Variants in LHX2 observed in about 807,000 individuals in gnomAD.
LHX2 encodes the protein LIM/homeobox protein Lhx2.
LHX2 carries 6 observed loss-of-function variants against 33.0 expected under a neutral mutation model. The observed-to-expected ratio is 0.18, with a 90% CI of 0.10 to 0.36. The LOEUF is 0.36. Ranked by LOEUF, LHX2 falls within the 10% of genes least tolerant of loss-of-function variation. The probability of loss-of-function intolerance (pLI) is 1.00; values close to 1 mark genes in which losing one functional copy is unlikely to be tolerated. For synonymous variants in LHX2, 292 were observed against 253.1 expected, an observed-to-expected ratio of 1.15 and a Z score of -1.46; for missense variants, 442 against 586.2, an observed-to-expected ratio of 0.75 and a Z score of 2.54.
At position 124,012,325 on chromosome 9, in the gene LHX2, CCCGGCCCCG is replaced by C. The variant is rs1588343806; in HGVS notation, c.-19_-11del. 1.1e-5 allele frequency: 17 copies of C among 1,486,034 alleles called. No homozygotes were observed. The highest frequency in any genetic ancestry group is 1.5e-5 in the Non-Finnish European group (17 of 1,123,670). 92.1% of individuals were successfully genotyped at this position (1,486,034 alleles called of 1,614,324 possible). Reference sequence around the variant, plus strand: ...AGCCCTCCCTCGGAGGAGCCGCGCCCCCGGCCCCGCCGGTCCCGCCGCGATGCTGTTCCA... The same window carrying C: ...AGCCCTCCCTCGGAGGAGCCGCGCCCCCGGTCCCGCCGCGATGCTGTTCCA... On this transcript the variant is annotated 5_prime_UTR_variant, in exon 1 of 5. Coordinates refer to ENST00000373615, the MANE Select transcript of LHX2 (RefSeq NM_004789.4). This position sits in a 1 kb window ranked among gnomAD's most constrained non-coding sequence, Gnocchi z 4.3.
At chr9:124,020,673 CG>C (rs1219888344) in intron 3 of LHX2, among the ~76,000 whole-genome samples, 8 of 152,076 alleles carry the variant, frequency 5.3e-5, no homozygotes, top group Non-Finnish European at 7.4e-5. Flanking sequence ...TCTGTAAAAA[CG>C]GGAAAAATAA....
intron 4 of LHX2, among the ~76,000 whole-genome samples, chr9:124,026,709 A>G (rs1317650113): frequency 6.6e-6 from 1 of 152,194 alleles, no homozygotes; most frequent in East Asian, 1.9e-4. Flanking sequence ...AACTTTGTCT[A>G]ATCTAACATT....
rs1447163494 is a variant in LHX2 at position 124,012,404 on chromosome 9, A to G, written c.56A>G (p.Asp19Gly). The G allele has an allele frequency of 2.0e-6, 3 of 1,534,500 alleles. No homozygotes were observed. Among genetic ancestry groups the G allele is most frequent in the Non-Finnish European group, 2.6e-6 (3 of 1,145,656 alleles). Residue 19 changes from aspartate (D) to glycine (G), a missense_variant, in exon 1 of 5, where the codon GAC (aspartate) becomes GGC (glycine). Asp to Gly is a moderately conservative substitution (Grantham distance 94). Around this residue, in one of 5 missense-constraint regions of LHX2, gnomAD observed 97 missense variants for 81.5 expected, o/e 1.19. Coordinates refer to ENST00000373615, the MANE Select transcript of LHX2 (RefSeq NM_004789.4). This position sits in a 1 kb window ranked among gnomAD's most constrained non-coding sequence, Gnocchi z 4.3. ...GTGCACGGGGTCATCGACGAGATGG[A>G]CCGCAGGGCCAAGAGCGAGGCTCCC... The part of the protein sequence containing the change: ...PEVHGVIDEM[D>G]RRAKSEAPAI...
intron 3 of LHX2, among the ~76,000 whole-genome samples, 192 bp from the exon 4 acceptor site, chr9:124,020,907 C>T (rs1564550387): frequency 6.6e-6 from 1 of 152,092 alleles, no homozygotes; most frequent in South Asian, 2.1e-4. Context: ...GCAGTGTGAT[C>T]CTGGGTGGAT....
At chr9:124,019,030 A>AC (rs1166513445) in intron 3 of LHX2, among the ~76,000 whole-genome samples, 7 of 151,506 alleles carry the variant, frequency 4.6e-5, no homozygotes, top group Admixed American at 3.9e-4. Context: ...AGGCTGCCCC[A>AC]CCCCCAGTGG....
At chr9:124,030,290 C>T (rs1233567104) in intron 4 of LHX2, among the ~76,000 whole-genome samples, 1 of 152,252 alleles carries the variant, frequency 6.6e-6, no homozygotes, top group Non-Finnish European at 1.5e-5. Context: ...GGAGTCAGCC[C>T]TCCCTCTCCT....
At chr9:124,029,733 G>C (rs1226300545) in intron 4 of LHX2, among the ~76,000 whole-genome samples, 1 of 152,240 alleles carries the variant, frequency 6.6e-6, no homozygotes, top group Non-Finnish European at 1.5e-5. Flanking sequence ...TCCAGCTACT[G>C]CTCTGAGAGT....
rs371809737 is a variant in LHX2 at position 124,032,659 on chromosome 9, C to G, written c.1173C>G (p.Gly391=). ...CTTCTGTGCCTGGCAACCTGGAGGG[C>G]CATGAGCCTCACAGCCCCTCACAAA... The part of the protein sequence containing the change: ...VLTSVPGNLE[G]HEPHSPSQTT... The change falls in exon 5 of 5, where the codon GGC becomes GGG. Residue 391 remains glycine, a synonymous_variant. Transcript: ENST00000373615. The surrounding 1 kb of genome is among the most constrained non-coding windows in gnomAD (Gnocchi z 4.1). 19 of 1,613,204 alleles carry G rather than the reference C, an allele frequency of 1.2e-5. No homozygotes were observed. In the African/African-American group the frequency reaches 2.3e-4, roughly 19 times the overall value.
rs1160970933 is a variant in LHX2, at chr9:124,032,844, A to G, written c.*137A>G. On this transcript the variant is annotated 3_prime_UTR_variant, in exon 5 of 5. Transcript: ENST00000373615. The surrounding 1 kb of genome is among the most constrained non-coding windows in gnomAD (Gnocchi z 4.1). The stretch of plus-strand genomic sequence containing the variant: ...GATCTCGCCTGGAAACAGAGGTAAA[A>G]AAAAGAAGTGTGCGCCCGGCTAATG... 3.9e-6 allele frequency: 4 copies of G among 1,026,800 alleles called. No homozygotes were observed. Among genetic ancestry groups the G allele is most frequent in the East Asian group, 2.7e-5 (1 of 37,290 alleles). 63.6% of individuals were successfully genotyped at this position (1,026,800 alleles called of 1,614,324 possible).
At chr9:124,017,660 C>A (rs1229541687) in intron 3 of LHX2, among the ~76,000 whole-genome samples, 1 of 152,202 alleles carries the variant, frequency 6.6e-6, no homozygotes, top group Non-Finnish European at 1.5e-5. Flanking sequence ...CGACCCCTTG[C>A]AAAGCCTCTT....
intron 4 of LHX2, among the ~76,000 whole-genome samples, chr9:124,026,015 G>A (rs10760308): frequency 0.37 from 55,795 of 151,776 alleles, 11,284 homozygotes; most frequent in Admixed American, 0.48. Flanking sequence ...CATCTTTCAG[G>A]TGACTAGTTA....
chr9:124,032,435 G>A lies in LHX2; in HGVS notation c.949G>A (p.Ala317Thr), dbSNP rs779800895. The A allele has an allele frequency of 6.3e-7, 1 of 1,592,250 alleles. No homozygotes were observed. The highest frequency in any genetic ancestry group is 8.6e-7 in the Non-Finnish European group (1 of 1,169,128). The change falls in exon 5 of 5, where the codon GCC becomes ACC. Residue 317 changes from alanine (A) to threonine (T), a missense_variant. Physicochemically the swap from Ala to Thr is moderately conservative, Grantham distance 58. Around this residue, in one of 5 missense-constraint regions of LHX2, gnomAD observed 32 missense variants for 95.3 expected, o/e 0.34. Coordinates refer to ENST00000373615, the MANE Select transcript of LHX2 (RefSeq NM_004789.4). This position sits in a 1 kb window ranked among gnomAD's most constrained non-coding sequence, Gnocchi z 4.1. Reference sequence around the variant, plus strand: ...TCCCCCGCAGGTCTGGTTCCAGAACGCCCGAGCCAAGTTCAGGCGCAACCT... The same window carrying A: ...TCCCCCGCAGGTCTGGTTCCAGAACACCCGAGCCAAGTTCAGGCGCAACCT... ...KRVLQVWFQN[A>T]RAKFRRNLLR...
rs1347300657 is a variant in LHX2 at position 124,016,442 on chromosome 9, G to A, written c.727+917G>A. The stretch of plus-strand genomic sequence containing the variant: ...TGACTCTCCGGGCTTCCGAACTAGA[G>A]TTTATGTGCAATTATTTTCTTTCTT... On this transcript the variant is annotated intron_variant, in intron 3 of 4. Transcript: ENST00000373615. The surrounding 1 kb of genome is among the most constrained non-coding windows in gnomAD (Gnocchi z 4.4). Among the ~76,000 whole-genome samples the A allele has an allele frequency of 6.6e-6, 1 of 152,188 alleles. No individual in the cohort carries two copies. Among genetic ancestry groups the A allele is most frequent in the Non-Finnish European group, 1.5e-5 (1 of 68,036 alleles).
rs965573737 is a variant in LHX2 at position 124,015,988 on chromosome 9, G to A, written c.727+463G>A. 6.6e-6 allele frequency among the ~76,000 whole-genome samples: 1 copy of A among 152,230 alleles called. No individual in the cohort carries two copies. The highest frequency in any genetic ancestry group is 1.5e-5 in the Non-Finnish European group (1 of 68,046). ...GGGCGCCGAGCTCGGCCTGGAGTGC[G>A]GCCTGACCTCGTGAAATGTCCCAAG... On this transcript the variant is annotated intron_variant, in intron 3 of 4. Transcript: ENST00000373615. The surrounding 1 kb of genome is among the most constrained non-coding windows in gnomAD (Gnocchi z 7.9).
intron 1 of LHX2, among the ~76,000 whole-genome samples, chr9:124,013,152 G>A (rs1259297972): frequency 6.6e-6 from 1 of 152,196 alleles, no homozygotes; most frequent in East Asian, 1.9e-4. Flanking sequence ...GGCCAGACGA[G>A]CAGACACTGC....
chr9:124,017,041 AG>A (rs1284180558), intron 3 of LHX2, among the ~76,000 whole-genome samples: 1 of 152,188 alleles, frequency 6.6e-6, no homozygotes, highest in East Asian at 1.9e-4. Context: ...TTGTGCAAAA[AG>A]AGAGTAGAAG....
chr9:124,018,709 C>CT (rs1859239900), intron 3 of LHX2, among the ~76,000 whole-genome samples: 1 of 152,234 alleles, frequency 6.6e-6, no homozygotes, highest in Non-Finnish European at 1.5e-5. Context: ...GTAGCTGTCT[C>CT]TCTGTGGTTC....
At position 124,014,776 on chromosome 9, in the gene LHX2, A is replaced by G. The variant is rs534279133; in HGVS notation, c.324-346A>G. On this transcript the variant is annotated intron_variant, in intron 2 of 4. Coordinates refer to ENST00000373615, the MANE Select transcript of LHX2 (RefSeq NM_004789.4). This position sits in a 1 kb window ranked among gnomAD's most constrained non-coding sequence, Gnocchi z 4.8. ...GTGTTTCTTCCAAATTATAAAAGTC[A>G]GTAGGATTCCCAGGCGCTGGTTTGG... is the stretch of plus-strand genomic sequence containing the variant. Among the ~76,000 whole-genome samples, 6 of 152,252 alleles carry G rather than the reference A, an allele frequency of 3.9e-5. No homozygotes were observed. The highest frequency in any genetic ancestry group is 1.2e-4 in the African/African-American group (5 of 41,526).
Position 124,033,058 on chromosome 9 carries a change from C to A in LHX2, c.*351C>A. On this transcript the variant is annotated 3_prime_UTR_variant, in exon 5 of 5. Transcript: ENST00000373615. ...ATCTCCATACTTTGGATGACTTGTT[C>A]ATTTTTCTCTCCCTCTTTTTCTCTG... 5.5e-6 allele frequency: 1 copy of A among 181,302 alleles called. No individual in the cohort carries two copies. 11.2% of individuals were successfully genotyped at this position (181,302 alleles called of 1,614,324 possible). A position where few individuals can be genotyped will look rare whatever the true frequency, so the allele number is the denominator to read the frequency against.
Sources: gnomAD v4.1 joint callset for allele counts (sites outside exome capture counted in the v4.1 genomes callset) on GRCh38, gnomAD v4.1.1 for gene constraint, gnomAD v4.1.1 regional missense constraint, Gnocchi (gnomAD v3.1) non-coding constraint, MANE v1.5 for transcripts, NCBI Gene and HGNC (gene_info 2026-07-23, HGNC 2026-07-21) for gene names.